Variants in VWA8 observed in about 807,000 individuals in gnomAD.
The protein encoded by VWA8 is von Willebrand factor A domain-containing protein 8.
In VWA8, 221 loss-of-function variants were observed where a neutral mutation model predicts 241.5. That is an observed-to-expected ratio of 0.91 (90% CI 0.82 to 1.02). The LOEUF is 1.02. Among genes scored for constraint, VWA8 ranks in the 50% least tolerant of loss-of-function variants. The pLI is 0.00. For synonymous variants in VWA8, 852 were observed against 827.1 expected (o/e 1.03, Z -0.52); for missense variants, 2,322 against 2,328.7 (o/e 1.00, Z 0.06).
intron 17 of VWA8, among the ~76,000 whole-genome samples, chr13:41,792,777 A>G (rs890336239): frequency 1.9e-4 from 29 of 151,914 alleles, no homozygotes; most frequent in Admixed American, 7.2e-4. Context: ...CCATTAAAGC[A>G]TTACATGATA....
chr13:41,586,162 T>TA (rs59043149), intron 42 of VWA8, among the ~76,000 whole-genome samples: 11,305 of 134,988 alleles, frequency 0.084, 556 homozygotes, highest in African/African-American at 0.16. Flanking sequence ...CCATAAAGCA[T>TA]AAAAAAAAAA....
At chr13:41,641,498 G>C (rs1011268550) in intron 37 of VWA8, among the ~76,000 whole-genome samples, 1 of 151,902 alleles carries the variant, frequency 6.6e-6, no homozygotes, top group African/African-American at 2.4e-5. Context: ...AACTTGCCTA[G>C]GGTCATACAT....
intron 40 of VWA8, among the ~76,000 whole-genome samples, chr13:41,596,418 A>G (rs2044488370): frequency 6.6e-6 from 1 of 152,138 alleles, no homozygotes; most frequent in Non-Finnish European, 1.5e-5. Context: ...GACTGTGTAT[A>G]TAAAGCCTTC....
intron 2 of VWA8, chr13:41,926,624 A>G (rs1291368271): frequency 1.8e-6 from 1 of 545,310 alleles, no homozygotes. Flanking sequence ...AGACTACCAC[A>G]ATCTCTTGGA....
At chr13:41,850,565 C>A (rs1266240726) in intron 12 of VWA8, among the ~76,000 whole-genome samples, 2 of 152,172 alleles carry the variant, frequency 1.3e-5, no homozygotes, top group Admixed American at 1.3e-4. Context: ...TTCAGAGCCA[C>A]CCTCAGAGAC....
chr13:41,801,208 A>C (rs1388968903), intron 17 of VWA8, among the ~76,000 whole-genome samples: 1 of 151,942 alleles, frequency 6.6e-6, no homozygotes, highest in Non-Finnish European at 1.5e-5. Context: ...GGCATATCTA[A>C]CAGTCTGCAG....
At chr13:41,705,280 ATG>A (rs1349028039) in intron 26 of VWA8, among the ~76,000 whole-genome samples, 1 of 129,740 alleles carries the variant, frequency 7.7e-6, no homozygotes, top group African/African-American at 2.9e-5. Flanking sequence ...CCAGGAAAGA[ATG>A]TGTGTGTGCA....
intron 4 of VWA8, chr13:41,905,221 T>A (rs1875651388): frequency 1.3e-5 from 2 of 152,038 alleles, no homozygotes; most frequent in African/African-American, 4.8e-5. Context: ...CATTCCATTT[T>A]TTTTTAAGGG....
intron 3 of VWA8, among the ~76,000 whole-genome samples, chr13:41,910,388 C>T (rs553420396): frequency 1.4e-4 from 22 of 152,166 alleles, no homozygotes; most frequent in African/African-American, 4.1e-4. Flanking sequence ...AGTTGGAGAC[C>T]AGCCTGCCCA....
chr13:41,927,216 C>T, intron 2 of VWA8: 1 of 471,230 alleles, frequency 2.1e-6, no homozygotes, highest in East Asian at 5.7e-5. Flanking sequence ...GGGCATTGAC[C>T]AAGTCACCAT....
intron 35 of VWA8, among the ~76,000 whole-genome samples, chr13:41,684,195 T>G (rs1227022356): frequency 6.6e-6 from 1 of 152,176 alleles, no homozygotes; most frequent in East Asian, 1.9e-4. Context: ...GAGTTTCAGC[T>G]GGGAAGAAAC....
chr13:41,872,480 T>A (rs1218702274), intron 9 of VWA8, among the ~76,000 whole-genome samples: 2 of 151,814 alleles, frequency 1.3e-5, no homozygotes, highest in African/African-American at 4.8e-5. Context: ...AATTGATTTT[T>A]GTATAAGGTG....
Position 41,863,207 on chromosome 13 carries a change from T to C in VWA8, c.1425+2529A>G, listed in dbSNP as rs974386284. Among the ~76,000 whole-genome samples the C allele has an allele frequency of 1.3e-5, 2 of 148,352 alleles. 1 individual carries two copies. The highest frequency in any genetic ancestry group is 1.3e-4 in the Admixed American group (2 of 15,078). On this transcript the variant is annotated intron_variant, in intron 12 of 44. Coordinates refer to ENST00000379310, the MANE Select transcript of VWA8 (RefSeq NM_015058.2). ...CGGGTCTAGCCTCCCAGCCTACATC[T>C]TTCTCGCGTGCTGGATGCTTCCTGC...
Position 41,784,745 on chromosome 13 carries a change from T to C in VWA8, c.2171-844A>G, listed in dbSNP as rs1257123980. 5.1e-3 allele frequency among the ~76,000 whole-genome samples: 519 copies of C among 102,228 alleles called. 5 individuals are homozygous for C. The highest frequency in any genetic ancestry group is 0.017 in the African/African-American group (493 of 29,728). The allele number at this position is 102,228 out of a possible 152,430, so 67.1% of individuals were successfully genotyped here. A position where few individuals can be genotyped will look rare whatever the true frequency, so the allele number is the denominator to read the frequency against. ...ATATATATATACACACACATATATATATATATATATATATATACACACACA... is the reference window on the plus strand; with the variant it reads ...ATATATATATACACACACATATATACATATATATATATATATACACACACA... On this transcript the variant is annotated intron_variant, in intron 18 of 44. Transcript: ENST00000379310.
chr13:41,660,414 C>T (rs2044941445), intron 37 of VWA8, among the ~76,000 whole-genome samples: 1 of 152,170 alleles, frequency 6.6e-6, no homozygotes, highest in African/African-American at 2.4e-5. Context: ...CCGTGCCTGG[C>T]CAGATGATCA....
rs374621428 is a variant in VWA8 at position 41,758,369 on chromosome 13, C to CATATATATAT, written c.2426+2749_2426+2758dup. On this transcript the variant is annotated intron_variant, in intron 21 of 44. Transcript: ENST00000379310. ...TTTTTCCCATTGCTATAGATACTAG[C>CATATATATAT]ATATATATATATATATATATATACG... 2.6e-3 allele frequency among the ~76,000 whole-genome samples: 189 copies of CATATATATAT among 72,974 alleles called. 15 individuals are homozygous for CATATATATAT. The highest frequency in any genetic ancestry group is 9.8e-3 in the African/African-American group (180 of 18,280). The allele number at this position is 72,974 out of a possible 152,430, so 47.9% of individuals were successfully genotyped here. A position where few individuals can be genotyped will look rare whatever the true frequency, so the allele number is the denominator to read the frequency against.
intron 37 of VWA8, among the ~76,000 whole-genome samples, chr13:41,617,704 T>C (rs562225226): frequency 2.6e-5 from 4 of 152,294 alleles, no homozygotes; most frequent in Admixed American, 1.3e-4. Flanking sequence ...GTGTTCTCAT[T>C]GTTCAATTCC....
At chr13:41,622,854 A>G (rs1048553989) in intron 37 of VWA8, among the ~76,000 whole-genome samples, 1 of 152,244 alleles carries the variant, frequency 6.6e-6, no homozygotes, top group African/African-American at 2.4e-5. Context: ...CCTGGAAGAA[A>G]AGTGAGCTTT....
chr13:41,721,761 G>C (rs1205683115), intron 24 of VWA8, among the ~76,000 whole-genome samples, 186 bp from the exon 25 acceptor site: 1 of 152,112 alleles, frequency 6.6e-6, no homozygotes, highest in Non-Finnish European at 1.5e-5. Flanking sequence ...CTGGGTGATG[G>C]ATGGTTTATC....
Sources: gnomAD v4.1 joint callset for allele counts (sites outside exome capture counted in the v4.1 genomes callset) on GRCh38, gnomAD v4.1.1 for gene constraint, MANE v1.5 for transcripts, NCBI Gene and HGNC (gene_info 2026-07-23, HGNC 2026-07-21) for gene names.